The following NPHP4 variants were observed in gnomAD, a reference collection of about 807,000 sequenced individuals.
The protein encoded by NPHP4 is nephrocystin-4.
NPHP4 carries 151 observed loss-of-function variants against 155.8 expected under a neutral mutation model. The ratio of observed to expected loss-of-function variants is 0.97; its 90% CI spans 0.85 to 1.11. The LOEUF is 1.11. Among genes scored for constraint, NPHP4 ranks in the 50% least tolerant of loss-of-function variants. The pLI is 0.00. For missense variants in NPHP4, 1,956 were observed against 1,925.7 expected (o/e 1.02, Z -0.29); for synonymous variants, 845 against 816.8 (o/e 1.03, Z -0.59).
chr1:5,875,978 G>C (rs1642557973), intron 20 of NPHP4: 1 of 152,310 alleles, frequency 6.6e-6, no homozygotes, highest in South Asian at 2.1e-4. Context: ...GGCTCTGGCT[G>C]TTCCTTTGCA....
intron 16 of NPHP4, among the ~76,000 whole-genome samples, chr1:5,903,031 A>G (rs537982165): frequency 6.6e-6 from 1 of 152,156 alleles, no homozygotes; most frequent in Non-Finnish European, 1.5e-5. Flanking sequence ...ATGAATGATG[A>G]TCAGTTTTTC....
chr1:5,887,375 C>A lies in NPHP4; in HGVS notation c.2396G>T (p.Ser799Ile). Residue 799 changes from serine (S) to isoleucine (I), a missense_variant, in exon 18 of 30, where the codon AGT (serine) becomes ATT (isoleucine). Transcript: ENST00000378156. ...GCGGCCAAACCCCAGCATGTCTCCA[C>A]TCACCACCATGTTGTCCTGCTCGTA... The part of the protein sequence containing the change: ...TEYEQDNMVV[S>I]GDMLGFGRVK... The A allele has an allele frequency of 1.2e-6, 2 of 1,613,610 alleles. No homozygotes were observed. The highest frequency in any genetic ancestry group is 1.7e-6 in the Non-Finnish European group (2 of 1,179,898).
At position 5,947,191 on chromosome 1, in the gene NPHP4, G is replaced by A. The variant is rs1299037264; in HGVS notation, c.1032C>T (p.Arg344=). 2 of 1,613,894 alleles carry A rather than the reference G, an allele frequency of 1.2e-6. No homozygotes were observed. The highest frequency in any genetic ancestry group is 8.5e-7 in the Non-Finnish European group (1 of 1,179,838). ...CAGGGTGGCCGACCATCTCTGGGAG[G>A]CGGAGGCGGCTTCTCAAAACCAGAG... ...SQALVLRSRL[R]LPEMVGHPAF... is the part of the protein sequence containing the mutation. Residue 344 remains arginine (R), a synonymous_variant, in exon 9 of 30, where the codon CGC becomes CGT. Coordinates refer to ENST00000378156, the MANE Select transcript of NPHP4 (RefSeq NM_015102.5).
chr1:5,887,198 T>C, intron 18 of NPHP4, 88 bp downstream of exon 18: 1 of 1,274,040 alleles, frequency 7.8e-7, no homozygotes, highest in South Asian at 1.5e-5. Flanking sequence ...GTGAAGCCCA[T>C]GATGTGGCCC....
At chr1:5,942,237 A>G (rs1364365523) in intron 9 of NPHP4, among the ~76,000 whole-genome samples, 1 of 152,196 alleles carries the variant, frequency 6.6e-6, no homozygotes, top group Non-Finnish European at 1.5e-5. Flanking sequence ...AATTTTTTAA[A>G]GAAGGGAGAC....
rs776922160 is a variant in NPHP4 at position 5,909,203 on chromosome 1, C to T, written c.1452G>A (p.Ala484=). ...KPPTSPSSPP[A]PVPRVLAAPQ... is the part of the protein sequence containing the mutation. ...GGGCAGCGAGAACTCGAGGTACTGG[C>T]GCTGGCGGGCCTGGGAGGAAGCACA... Residue 484 remains alanine, a synonymous_variant, in exon 12 of 30, where the codon GCG becomes GCA. Coordinates refer to ENST00000378156, the MANE Select transcript of NPHP4 (RefSeq NM_015102.5). The T allele has an allele frequency of 6.2e-6, 10 of 1,602,826 alleles. No homozygotes were observed. Among genetic ancestry groups the T allele is most frequent in the African/African-American group, 4.0e-5 (3 of 74,764 alleles).
intron 9 of NPHP4, among the ~76,000 whole-genome samples, chr1:5,943,808 G>C (rs1298903014): frequency 2.0e-5 from 3 of 152,178 alleles, no homozygotes; most frequent in Non-Finnish European, 2.9e-5. Context: ...GTGTGATGAT[G>C]GTGTTCACAG....
intron 10 of NPHP4, 37 bp from the exon 11 acceptor site, chr1:5,927,824 T>G: frequency 6.3e-7 from 1 of 1,577,284 alleles, no homozygotes; most frequent in Non-Finnish European, 8.7e-7. Context: ...GGCCACTCCC[T>G]TCATCAGCAC....
chr1:5,866,465 A>G lies in NPHP4; in HGVS notation c.3559-7T>C, dbSNP rs753773391. On this transcript the variant is annotated splice_region_variant and splice_polypyrimidine_tract_variant and intron_variant, in intron 25 of 29. Transcript: ENST00000378156. ...CCCGTGGTTCCCCGGGGCCCTGCCA[A>G]CCAGATGTGCAGCACATCAGGGCAC... 1.3e-6 allele frequency: 2 copies of G among 1,565,110 alleles called. No homozygotes were observed. The highest frequency in any genetic ancestry group is 3.5e-5 in the Admixed American group (2 of 57,054).
intron 23 of NPHP4, 151 bp downstream of exon 23, chr1:5,873,101 A>T (rs1642176369): frequency 1.5e-6 from 1 of 689,542 alleles, no homozygotes; most frequent in Non-Finnish European, 2.6e-6. Context: ...CCCAGCGAGG[A>T]CACGGAAAAG....
chr1:5,975,306 C>A (rs556118992), intron 3 of NPHP4, among the ~76,000 whole-genome samples: 1 of 152,204 alleles, frequency 6.6e-6, no homozygotes, highest in Non-Finnish European at 1.5e-5. Flanking sequence ...GTACAGAACA[C>A]GCTGCTCAAC....
Position 5,877,229 on chromosome 1 carries a change from TG to T in NPHP4, c.2680del (p.His894MetfsTer26). On this transcript the variant is annotated frameshift_variant, in exon 20 of 30. Transcript: ENST00000378156. LOFTEE classifies it high-confidence loss of function. Reference protein sequence around the residue: ...DSELAAMLLTHARQGKGPQDV... With the variant: ...DSELAAMLLTXARQGKGPQDV... ...CTGGGGCCCCTTGCCCTGCCGGGCATGGGTCAGTAGCATGGCAGCCAGCTCA... is the reference window on the plus strand; with the variant it reads ...CTGGGGCCCCTTGCCCTGCCGGGCATGGTCAGTAGCATGGCAGCCAGCTCA... The T allele has an allele frequency of 6.2e-7, 1 of 1,609,002 alleles. No homozygotes were observed. Among genetic ancestry groups the T allele is most frequent in the Non-Finnish European group, 8.5e-7 (1 of 1,177,064 alleles).
intron 16 of NPHP4, among the ~76,000 whole-genome samples, 184 bp from the exon 17 acceptor site, chr1:5,891,212 A>G (rs1444162630): frequency 2.6e-5 from 4 of 152,260 alleles, no homozygotes; most frequent in African/African-American, 4.8e-5. Flanking sequence ...AGTCATGTTC[A>G]GAAGACTACA....
chr1:5,908,868 T>C (rs1049509265), intron 12 of NPHP4, among the ~76,000 whole-genome samples: 1 of 151,944 alleles, frequency 6.6e-6, no homozygotes, highest in Non-Finnish European at 1.5e-5. Context: ...GTCCTGAGAG[T>C]TGCCACCATG....
chr1:5,867,217 A>C lies in NPHP4; in HGVS notation c.3473-102T>G, dbSNP rs1313231563. 3 of 858,592 alleles carry C rather than the reference A, an allele frequency of 3.5e-6. No homozygotes were observed. The highest frequency in any genetic ancestry group is 3.4e-5 in the African/African-American group (2 of 59,488). The allele number at this position is 858,592 out of a possible 1,614,324, so 53.2% of individuals were successfully genotyped here. On this transcript the variant is annotated intron_variant, in intron 24 of 29. Transcript: ENST00000378156. The surrounding 1 kb of genome is among the most constrained non-coding windows in gnomAD (Gnocchi z 4.1). ...CTATAGGACAGGACAGGCTCGTCAC[A>C]GGTGCTCAGCAAGACACCTGCTGGG... is the stretch of plus-strand genomic sequence containing the variant.
rs570376693 is a variant in NPHP4, at chr1:5,864,808, G to A, written c.3817-291C>T. 544 of 533,298 alleles carry A rather than the reference G, an allele frequency of 1.0e-3. 9 individuals carry two copies. The highest frequency in any genetic ancestry group is 4.8e-4 in the Non-Finnish European group (143 of 299,592). The allele number at this position is 533,298 out of a possible 1,614,324, so 33.0% of individuals were successfully genotyped here. A position where few individuals can be genotyped will look rare whatever the true frequency, so the allele number is the denominator to read the frequency against. On this transcript the variant is annotated intron_variant, in intron 27 of 29. Coordinates refer to ENST00000378156, the MANE Select transcript of NPHP4 (RefSeq NM_015102.5). Reference sequence around the variant, plus strand: ...CGGCCAGCTGGTGGCACCAGGGGCCGCCCTCCCACCCCGTCTAACTGTGGC... The same window carrying A: ...CGGCCAGCTGGTGGCACCAGGGGCCACCCTCCCACCCCGTCTAACTGTGGC...
chr1:5,874,423 C>A, intron 22 of NPHP4, 48 bp downstream of exon 22: 1 of 1,452,160 alleles, frequency 6.9e-7, no homozygotes, highest in South Asian at 1.4e-5. Context: ...CTCAATTTCC[C>A]ACCGTCATCA....
In NPHP4 at chr1:5,867,175, GCC is replaced by G; in HGVS notation, c.3473-62_3473-61del. ...CACAGCCCCAGCCTGTGTGGAGAAG[GCC>G]CCACACATTACACACTATAGGACAG... On this transcript the variant is annotated intron_variant, in intron 24 of 29. Coordinates refer to ENST00000378156, the MANE Select transcript of NPHP4 (RefSeq NM_015102.5). The surrounding 1 kb of genome is among the most constrained non-coding windows in gnomAD (Gnocchi z 4.1). 1 of 1,284,760 alleles carries G rather than the reference GCC, an allele frequency of 7.8e-7. No homozygotes were observed. Among genetic ancestry groups the G allele is most frequent in the South Asian group, 1.3e-5 (1 of 78,806 alleles). The allele number at this position is 1,284,760 out of a possible 1,614,324, so 79.6% of individuals were successfully genotyped here. A position where few individuals can be genotyped will look rare whatever the true frequency, so the allele number is the denominator to read the frequency against.
chr1:5,878,352 G>C (rs1209203112), intron 19 of NPHP4, among the ~76,000 whole-genome samples: 1 of 152,236 alleles, frequency 6.6e-6, no homozygotes, highest in African/African-American at 2.4e-5. Flanking sequence ...GCCCCGCGTG[G>C]CTCTTACAAG....
Sources: allele counts gnomAD v4.1 joint callset (sites outside exome capture counted in the v4.1 genomes callset), GRCh38; gene constraint gnomAD v4.1.1; non-coding constraint Gnocchi (gnomAD v3.1); transcripts MANE v1.5; gene names NCBI Gene and HGNC (gene_info 2026-07-23, HGNC 2026-07-21).